The following COL6A3 variants were observed in gnomAD, a reference collection of about 807,000 sequenced individuals.
The protein encoded by COL6A3 is collagen alpha-3(VI) chain.
COL6A3 carries 137 observed loss-of-function variants against 274.1 expected under a neutral mutation model. The ratio of observed to expected loss-of-function variants is 0.50; its 90% CI spans 0.44 to 0.58. The LOEUF is 0.58. Ranked by LOEUF, COL6A3 falls within the 20% of genes least tolerant of loss-of-function variation. The probability of loss-of-function intolerance (pLI) is 0.00; values close to 1 mark genes in which losing one functional copy is unlikely to be tolerated. For synonymous variants in COL6A3, 1,650 were observed against 1,650.6 expected, an observed-to-expected ratio of 1.00 and a Z score of 0.01; for missense variants, 3,950 against 4,124.9, an observed-to-expected ratio of 0.96 and a Z score of 1.16.
intron 1 of COL6A3, among the ~76,000 whole-genome samples, chr2:237,397,532 G>C (rs2078482423): frequency 6.6e-6 from 1 of 152,140 alleles, no homozygotes; most frequent in Admixed American, 6.5e-5. Context: ...GGGAAGGTGG[G>C]AGGAAGGTAA....
intron 3 of COL6A3, among the ~76,000 whole-genome samples, chr2:237,393,289 C>A (rs1374358371): frequency 1.3e-5 from 2 of 152,190 alleles, no homozygotes; most frequent in Non-Finnish European, 2.9e-5. Context: ...CAACTGGATG[C>A]CACTTCAAAT....
chr2:237,340,111 C>T (rs1331388463), intron 38 of COL6A3, among the ~76,000 whole-genome samples: 1 of 152,172 alleles, frequency 6.6e-6, no homozygotes, highest in Non-Finnish European at 1.5e-5. Context: ...CGCGACATGC[C>T]AGCCTATTAT....
chr2:237,408,664 T>C (rs1409671752), intron 1 of COL6A3, among the ~76,000 whole-genome samples: 1 of 152,230 alleles, frequency 6.6e-6, no homozygotes, highest in Non-Finnish European at 1.5e-5. Context: ...GAAAACCTAA[T>C]GTATAGCACA....
chr2:237,412,137 C>G (rs2325812), intron 1 of COL6A3, among the ~76,000 whole-genome samples: 136,378 of 152,280 alleles, frequency 0.9, 61,379 homozygotes, highest in East Asian at 1. Context: ...GCTGTTCCTA[C>G]ATCCTGATCT....
chr2:237,396,861 C>A lies in COL6A3; in HGVS notation c.-30-14G>T, dbSNP rs1428024599. ...CCAAATATGAACCTAAAAGAGAAAACAGGGCAAAGGGAATGATCAGTTTTT... is the reference window on the plus strand; with the variant it reads ...CCAAATATGAACCTAAAAGAGAAAAAAGGGCAAAGGGAATGATCAGTTTTT... On this transcript the variant is annotated splice_polypyrimidine_tract_variant and intron_variant, in intron 1 of 43. Transcript: ENST00000295550. 1 of 1,570,124 alleles carries A rather than the reference C, an allele frequency of 6.4e-7. No homozygotes were observed. Among genetic ancestry groups the A allele is most frequent in the African/African-American group, 1.4e-5 (1 of 73,962 alleles).
intron 3 of COL6A3, among the ~76,000 whole-genome samples, chr2:237,390,786 C>T (rs2078268464): frequency 6.6e-6 from 1 of 152,166 alleles, no homozygotes; most frequent in Admixed American, 6.5e-5. Flanking sequence ...ATATATTTTA[C>T]AAATTTTAAA....
chr2:237,410,334 G>A (rs759312341), intron 1 of COL6A3, among the ~76,000 whole-genome samples: 1 of 143,630 alleles, frequency 7.0e-6, no homozygotes, highest in East Asian at 2.0e-4. Context: ...AACAGGGTCT[G>A]GTTCTGTCGC....
intron 37 of COL6A3, 103 bp downstream of exon 37, chr2:237,341,962 C>T: frequency 1.0e-6 from 1 of 981,848 alleles, no homozygotes; most frequent in African/African-American, 1.6e-5. Flanking sequence ...ATCAATTGAA[C>T]TCAAGCTCTT....
In COL6A3 at chr2:237,411,213, G is replaced by T. The variant is rs1416735364; in HGVS notation, c.-31+2740C>A. Among the ~76,000 whole-genome samples the T allele has an allele frequency of 2.0e-5, 3 of 152,160 alleles. No homozygotes were observed. The South Asian group carries it at 6.2e-4, about 32-fold the overall frequency. On this transcript the variant is annotated intron_variant, in intron 1 of 43. Coordinates refer to ENST00000295550, the MANE Select transcript of COL6A3 (RefSeq NM_004369.4). ...TCCCCCAAGAGATAGCAGATTTTCAGCTTCTTCCAAAAAGAGCAGTGACAA... is the reference window on the plus strand; with the variant it reads ...TCCCCCAAGAGATAGCAGATTTTCATCTTCTTCCAAAAAGAGCAGTGACAA...
In COL6A3 at chr2:237,371,954, G is replaced by A. The variant is rs1184540381; in HGVS notation, c.4063C>T (p.Pro1355Ser). Residue 1355 changes from proline (P) to serine (S), a missense_variant, in exon 9 of 44, where the codon CCG becomes TCG. Physicochemically the swap from Pro to Ser is moderately conservative, Grantham distance 74. This residue lies in a region of COL6A3 where 1,934 missense variants were observed against 1,984.3 expected (regional missense o/e 0.97). Transcript: ENST00000295550. The surrounding 1 kb of genome is among the most constrained non-coding windows in gnomAD (Gnocchi z 4.3). ...SGKSDDEVDDPAVELKQFGVA... is the reference protein window; with the variant it reads ...SGKSDDEVDDSAVELKQFGVA... ...CCAAACTGCTTGAGCTCCACCGCCG[G>A]GTCGTCCACCTCATCGTCAGACTTT... 6.2e-7 allele frequency: 1 copy of A among 1,613,876 alleles called. No homozygotes were observed. The highest frequency in any genetic ancestry group is 8.5e-7 in the Non-Finnish European group (1 of 1,180,012).
Position 237,325,829 on chromosome 2 carries a change from A to G in COL6A3, c.9329-105T>C, listed in dbSNP as rs1020502250. On this transcript the variant is annotated intron_variant, in intron 42 of 43. Coordinates refer to ENST00000295550, the MANE Select transcript of COL6A3 (RefSeq NM_004369.4). ...ATGACCCTACTGTGGCAGAAGGAAAAAAAAGAAGAGCTTCCAGGTGAAAAC... is the reference window on the plus strand; with the variant it reads ...ATGACCCTACTGTGGCAGAAGGAAAGAAAAGAAGAGCTTCCAGGTGAAAAC... 8.3e-6 allele frequency: 8 copies of G among 959,770 alleles called. No individual in the cohort carries two copies. The South Asian group carries it at 1.2e-4, about 15-fold the overall frequency. 59.5% of individuals were successfully genotyped at this position (959,770 alleles called of 1,614,324 possible). A position where few individuals can be genotyped will look rare whatever the true frequency, so the allele number is the denominator to read the frequency against.
chr2:237,344,395 C>T lies in COL6A3; in HGVS notation c.7623G>A (p.Leu2541=). The T allele has an allele frequency of 1.2e-6, 2 of 1,614,190 alleles. No homozygotes were observed. The highest frequency in any genetic ancestry group is 2.2e-5 in the East Asian group (1 of 44,886). Residue 2541 remains leucine, a synonymous_variant, in exon 36 of 44, where the codon TTG becomes TTA. Transcript: ENST00000295550. The surrounding 1 kb of genome is among the most constrained non-coding windows in gnomAD (Gnocchi z 4.8). ...LKLSDAGITP[L]FLTRQEDRQL... ...GCCGGTCTTCCTGCCTTGTAAGGAA[C>T]AAGGGGGTGATCCCCGCATCTGAGA...
In COL6A3 at chr2:237,340,672, C is replaced by T. The variant is rs113754336; in HGVS notation, c.8244G>A (p.Pro2748=). The T allele has an allele frequency of 4.8e-5, 78 of 1,614,094 alleles. No individual in the cohort carries two copies. Among genetic ancestry groups the T allele is most frequent in the Middle Eastern group, 1.6e-4 (1 of 6,084 alleles). ...TCTGGGCCTCCTCCAGCTGCTGCTC[C>T]GGCACCTCGCCCGTCAGCATCAGGA... ...IVVLMLTGEV[P]EQQLEEAQRV... Residue 2748 remains proline, a synonymous_variant, in exon 38 of 44, where the codon CCG becomes CCA. Coordinates refer to ENST00000295550, the MANE Select transcript of COL6A3 (RefSeq NM_004369.4).
At chr2:237,365,553 A>T in intron 12 of COL6A3, 145 bp downstream of exon 12, 1 of 757,698 alleles carries the variant, frequency 1.3e-6, no homozygotes. Flanking sequence ...ACATTAGATC[A>T]GTTAATAACT....
rs779455691 is a variant in COL6A3, at chr2:237,361,723, G to A, written c.6156+16C>T. 19 of 1,612,704 alleles carry A rather than the reference G, an allele frequency of 1.2e-5. No homozygotes were observed. In the South Asian group the frequency reaches 2.1e-4, roughly 18 times the overall value. On this transcript the variant is annotated intron_variant, in intron 15 of 43. Coordinates refer to ENST00000295550, the MANE Select transcript of COL6A3 (RefSeq NM_004369.4). The surrounding 1 kb of genome is among the most constrained non-coding windows in gnomAD (Gnocchi z 5.1). Reference sequence around the variant, plus strand: ...ACACCTCATCTCAGGCGTGGGCAAGGGTAAAGCCACCGTACCTTTGGCCCG... The same window carrying A: ...ACACCTCATCTCAGGCGTGGGCAAGAGTAAAGCCACCGTACCTTTGGCCCG...
intron 1 of COL6A3, among the ~76,000 whole-genome samples, chr2:237,398,137 A>T (rs1388737306): frequency 2.6e-5 from 4 of 152,354 alleles, no homozygotes; most frequent in Admixed American, 2.6e-4. Context: ...AGCCTTGTCC[A>T]TATTCTCTAT....
At position 237,344,522 on chromosome 2, in the gene COL6A3, A is replaced by T; in HGVS notation, c.7496T>A (p.Phe2499Tyr). Residue 2499 changes from phenylalanine (F) to tyrosine (Y), a missense_variant, in exon 36 of 44, where the codon TTT (phenylalanine) becomes TAT (tyrosine). Transcript: ENST00000295550. The surrounding 1 kb of genome is among the most constrained non-coding windows in gnomAD (Gnocchi z 4.8). ...TAGGAATCCGTTCCTCACACGCTTA[A>T]ATGTGTTCCTGGCCACAAACGACAT... is the stretch of plus-strand genomic sequence containing the variant. ...TAMSFVARNTFKRVRNGFLMR... is the reference protein window; with the variant it reads ...TAMSFVARNTYKRVRNGFLMR... 3 of 1,614,128 alleles carry T rather than the reference A, an allele frequency of 1.9e-6. No individual in the cohort carries two copies. Among genetic ancestry groups the T allele is most frequent in the Non-Finnish European group, 2.5e-6 (3 of 1,180,022 alleles).
chr2:237,383,194 T>A (rs1372903439), intron 4 of COL6A3, among the ~76,000 whole-genome samples: 1 of 152,174 alleles, frequency 6.6e-6, no homozygotes, highest in Non-Finnish European at 1.5e-5. Flanking sequence ...ACATGCCAAA[T>A]GAAGACAGCA....
chr2:237,361,092 T>C lies in COL6A3; in HGVS notation c.6210+29A>G, dbSNP rs1397828513. 1.2e-6 allele frequency: 2 copies of C among 1,605,276 alleles called. No homozygotes were observed. Among genetic ancestry groups the C allele is most frequent in the Admixed American group, 3.3e-5 (2 of 60,004 alleles). ...GGTAAGGATCAAGGAGGGGGTGAAA[T>C]TTTAGGGACTAAAACAATTTTTACT... On this transcript the variant is annotated intron_variant, in intron 16 of 43. Coordinates refer to ENST00000295550, the MANE Select transcript of COL6A3 (RefSeq NM_004369.4). This position sits in a 1 kb window ranked among gnomAD's most constrained non-coding sequence, Gnocchi z 5.1.
Sources: gnomAD v4.1 joint callset for allele counts (sites outside exome capture counted in the v4.1 genomes callset) on GRCh38, gnomAD v4.1.1 for gene constraint, gnomAD v4.1.1 regional missense constraint, Gnocchi (gnomAD v3.1) non-coding constraint, MANE v1.5 for transcripts, NCBI Gene and HGNC (gene_info 2026-07-23, HGNC 2026-07-21) for gene names.